Variants in ACSL6 observed in about 807,000 individuals in gnomAD.
ACSL6 encodes the protein acyl-CoA synthetase long chain family member 6.
In ACSL6, 47 loss-of-function variants were observed where a neutral mutation model predicts 98.2. The observed-to-expected ratio is 0.48, with a 90% confidence interval of 0.38 to 0.61. The LOEUF (loss-of-function observed/expected upper bound fraction) is 0.61, where lower values mean the gene tolerates loss of function less well. ACSL6 is among the 20% of genes least tolerant of loss of function. ACSL6 has a pLI of 0.00. For missense variants in ACSL6, 761 were observed against 913.4 expected, an observed-to-expected ratio of 0.83 and a Z score of 2.15; for synonymous variants, 362 against 336.9, an observed-to-expected ratio of 1.07 and a Z score of -0.82.
At chr5:132,011,875 G>T, upstream of ACSL6, 1 of 1,531,058 alleles carries the variant, frequency 6.5e-7, no homozygotes, top group African/African-American at 1.4e-5. This position sits in a 1 kb window ranked among gnomAD's most constrained non-coding sequence, Gnocchi z 5.4. Context: ...GCCGCAGAGC[G>T]AACCAGCCCT....
At chr5:131,995,092 C>T (rs1754728596) in intron 1 of ACSL6, among the ~76,000 whole-genome samples, 1 of 152,166 alleles carries the variant, frequency 6.6e-6, no homozygotes, top group Non-Finnish European at 1.5e-5. Flanking sequence ...CCTGCCATGT[C>T]ACAGATGGCA....
chr5:131,976,565 AAAAC>A (rs567661095), intron 10 of ACSL6, 79 bp downstream of exon 10: 105 of 1,250,304 alleles, frequency 8.4e-5, no homozygotes, highest in African/African-American at 7.1e-4. Flanking sequence ...AAAGAAAAAG[AAAAC>A]AAACAAATAA....
At chr5:131,962,455 C>T (rs1752761140) in intron 18 of ACSL6, 80 bp downstream of exon 18, 15 of 1,470,312 alleles carry the variant, frequency 1.0e-5, no homozygotes, top group Non-Finnish European at 1.2e-5. Flanking sequence ...AATCCTGGTG[C>T]CTGATTGGAG....
chr5:132,006,860 C>T (rs911604456), intron 1 of ACSL6: 1 of 152,240 alleles, frequency 6.6e-6, no homozygotes, highest in Non-Finnish European at 1.5e-5. Context: ...GCCCTGCCTG[C>T]AAGGAGTTTA....
chr5:131,965,539 T>C (rs949696482), intron 17 of ACSL6, among the ~76,000 whole-genome samples: 1 of 152,142 alleles, frequency 6.6e-6, no homozygotes, highest in African/African-American at 2.4e-5. Context: ...GGCCAATGTG[T>C]TGAAACCCTG....
At chr5:131,999,391 A>G (rs1754954675) in intron 1 of ACSL6, 1 of 152,232 alleles carries the variant, frequency 6.6e-6, no homozygotes, top group South Asian at 2.1e-4. Context: ...CAACTTGCAC[A>G]AGTAGATGCA....
intron 16 of ACSL6, among the ~76,000 whole-genome samples, chr5:131,966,963 T>C (rs1250345280): frequency 3.3e-5 from 5 of 152,204 alleles, no homozygotes; most frequent in African/African-American, 7.2e-5. Context: ...ATCTACTCCA[T>C]CTGGCCTATT....
chr5:131,959,860 G>A (rs1057034465), intron 19 of ACSL6: 2 of 509,860 alleles, frequency 3.9e-6, no homozygotes, highest in African/African-American at 3.9e-5. Context: ...TTTAAAGCAG[G>A]CTTTTGGTCA....
intron 1 of ACSL6, among the ~76,000 whole-genome samples, chr5:132,010,636 AT>A (rs1755663816): frequency 6.6e-6 from 1 of 152,210 alleles, no homozygotes; most frequent in African/African-American, 2.4e-5. Flanking sequence ...TTTAAGGCCA[AT>A]TTAAGGATCA....
rs189065344 is a variant in ACSL6, at chr5:131,950,172, C to A, written c.*4062G>T. ...AATAAGCAATTCTTCAAAAAATATCCATTCTCCCCCATGCAACTGTTGCAA... is the reference window on the plus strand; with the variant it reads ...AATAAGCAATTCTTCAAAAAATATCAATTCTCCCCCATGCAACTGTTGCAA... On this transcript the variant is annotated 3_prime_UTR_variant, in exon 21 of 21. Transcript: ENST00000651883. 78 of 195,040 alleles carry A rather than the reference C, an allele frequency of 4.0e-4. No homozygotes were observed. Among genetic ancestry groups the A allele is most frequent in the African/African-American group, 1.8e-3 (76 of 43,288 alleles). The allele number at this position is 195,040 out of a possible 1,614,324, so 12.1% of individuals were successfully genotyped here. A position where few individuals can be genotyped will look rare whatever the true frequency, so the allele number is the denominator to read the frequency against.
At chr5:132,004,538 G>A (rs449915) in intron 1 of ACSL6, among the ~76,000 whole-genome samples, 59,513 of 152,060 alleles carry the variant, frequency 0.39, 12,396 homozygotes, top group South Asian at 0.66. Flanking sequence ...AAAGGAAACT[G>A]GTATTCGTTT....
At chr5:131,970,676 T>C (rs1753258771) in intron 14 of ACSL6, among the ~76,000 whole-genome samples, 1 of 152,148 alleles carries the variant, frequency 6.6e-6, no homozygotes, top group African/African-American at 2.4e-5. Context: ...CCCAAAGTGC[T>C]GGGATTATAG....
At chr5:131,973,822 G>A (rs1407373984) in intron 11 of ACSL6, 1 of 164,062 alleles carries the variant, frequency 6.1e-6, no homozygotes, top group African/African-American at 2.4e-5. Flanking sequence ...GTGAAGGTGT[G>A]TAAGCCCCAT....
Position 131,960,548 on chromosome 5 carries a change from CCTTCAATTCCTCTCTT to C in ACSL6, c.1915_1930del (p.Lys639GlufsTer12). The C allele has an allele frequency of 3.1e-6, 5 of 1,614,006 alleles. No homozygotes were observed. Among genetic ancestry groups the C allele is most frequent in the Non-Finnish European group, 4.2e-6 (5 of 1,179,996 alleles). On this transcript the variant is annotated frameshift_variant, in exon 19 of 21. Transcript: ENST00000651883. LOFTEE classifies it high-confidence loss of function. ...ATTTGTGCAGAGATCTGCATATGTT[CCTTCAATTCCTCTCTT>C]CTGGGCCCAGGAGGGCATAACTTCA...
In ACSL6 at chr5:131,951,005, G is replaced by C. The variant is rs1580611167; in HGVS notation, c.*3229C>G. The C allele has an allele frequency of 1.0e-5, 2 of 195,976 alleles. No homozygotes were observed. Among genetic ancestry groups the C allele is most frequent in the East Asian group, 1.6e-4 (2 of 12,414 alleles). 12.1% of individuals were successfully genotyped at this position (195,976 alleles called of 1,614,324 possible). On this transcript the variant is annotated 3_prime_UTR_variant, in exon 21 of 21. Transcript: ENST00000651883. ...GGCCTACACACTATACCTGACCAGA[G>C]TCCCGTCTCTCATTTGCAAGGGAAG...
At position 131,952,842 on chromosome 5, in the gene ACSL6, T is replaced by C. The variant is rs73264073; in HGVS notation, c.*1392A>G. ...TTCTTTGTCTATGGACTTAAAAAGTTTTCTTGGGGCATTTTAAAGAGGTTT... is the reference window on the plus strand; with the variant it reads ...TTCTTTGTCTATGGACTTAAAAAGTCTTCTTGGGGCATTTTAAAGAGGTTT... On this transcript the variant is annotated 3_prime_UTR_variant, in exon 21 of 21. Coordinates refer to ENST00000651883, the MANE Select transcript of ACSL6 (RefSeq NM_001009185.3). 642 of 218,318 alleles carry C rather than the reference T, an allele frequency of 2.9e-3. 3 individuals are homozygous for C. Among genetic ancestry groups the C allele is most frequent in the African/African-American group, 0.013 (563 of 44,610 alleles). The allele number at this position is 218,318 out of a possible 1,614,324, so 13.5% of individuals were successfully genotyped here.
chr5:131,980,145 C>T (rs1396672522), intron 9 of ACSL6, among the ~76,000 whole-genome samples: 1 of 152,140 alleles, frequency 6.6e-6, no homozygotes, highest in Non-Finnish European at 1.5e-5. Context: ...ATTCTGGCTG[C>T]TTGTTTCTGC....
In ACSL6 at chr5:131,991,792, G is replaced by T. The variant is rs114399190; in HGVS notation, c.271-825C>A. 5.2e-3 allele frequency among the ~76,000 whole-genome samples: 773 copies of T among 147,892 alleles called. 8 individuals carry two copies. The highest frequency in any genetic ancestry group is 0.016 in the African/African-American group (659 of 41,234). ...GCTACCCTGGGCTGGGCCAGAGCCTGCCACCTCTTGGAACAGCAGGTCTAA... is the reference window on the plus strand; with the variant it reads ...GCTACCCTGGGCTGGGCCAGAGCCTTCCACCTCTTGGAACAGCAGGTCTAA... On this transcript the variant is annotated intron_variant, in intron 2 of 20. Coordinates refer to ENST00000651883, the MANE Select transcript of ACSL6 (RefSeq NM_001009185.3).
Position 131,954,262 on chromosome 5 carries a change from A to G in ACSL6, c.2141T>C (p.Ile714Thr), listed in dbSNP as rs1285042714. Residue 714 changes from isoleucine to threonine, a missense_variant, in exon 21 of 21, where the codon ATA (isoleucine) becomes ACA (threonine). Coordinates refer to ENST00000651883, the MANE Select transcript of ACSL6 (RefSeq NM_001009185.3). ...PELREYFKKQ[I>T]EELYSISM ...CATGGAGATTGAGTAAAGCTCTTCT[A>G]TTTGTTTTTTGAAGTACTCTCTCAG... 2.5e-6 allele frequency: 4 copies of G among 1,613,436 alleles called. No individual in the cohort carries two copies. The highest frequency in any genetic ancestry group is 3.4e-6 in the Non-Finnish European group (4 of 1,179,848).
Sources: gnomAD v4.1 joint callset for allele counts (sites outside exome capture counted in the v4.1 genomes callset) on GRCh38, gnomAD v4.1.1 for gene constraint, Gnocchi (gnomAD v3.1) non-coding constraint, MANE v1.5 for transcripts, NCBI Gene and HGNC (gene_info 2026-07-23, HGNC 2026-07-21) for gene names.